The following ITGA9 variants were observed in gnomAD, a reference collection of about 807,000 sequenced individuals.
ITGA9 encodes the protein integrin subunit alpha 9.
A neutral mutation model predicts 127.8 loss-of-function variants in ITGA9; 56 were observed. That is an observed-to-expected ratio of 0.44 (90% CI 0.35 to 0.55). The LOEUF is 0.55. ITGA9 is among the 20% of genes least tolerant of loss of function. The probability of loss-of-function intolerance (pLI) is 0.00; values close to 1 mark genes in which losing one functional copy is unlikely to be tolerated. For missense variants in ITGA9, 1,196 were observed against 1,347.1 expected (o/e 0.89, Z 1.76); for synonymous variants, 508 against 514.5 (o/e 0.99, Z 0.17).
intron 6 of ITGA9, among the ~76,000 whole-genome samples, chr3:37,505,661 G>A (rs1269683004): frequency 6.6e-6 from 1 of 152,182 alleles, no homozygotes. Context: ...ACGCTCATGT[G>A]TGCATTCATT....
At chr3:37,561,522 G>A (rs984219474) in intron 15 of ITGA9, among the ~76,000 whole-genome samples, 1 of 152,186 alleles carries the variant, frequency 6.6e-6, no homozygotes, top group South Asian at 2.1e-4. Context: ...TATAAAGGTT[G>A]CTTTCACACT....
At chr3:37,656,041 C>T (rs934188360) in intron 17 of ITGA9, among the ~76,000 whole-genome samples, 1 of 152,074 alleles carries the variant, frequency 6.6e-6, no homozygotes, top group African/African-American at 2.4e-5. Flanking sequence ...TGTTCTGTTC[C>T]ATTGGTCTAT....
chr3:37,492,871 G>A (rs568324765), intron 4 of ITGA9, among the ~76,000 whole-genome samples: 5 of 152,246 alleles, frequency 3.3e-5, no homozygotes, highest in African/African-American at 4.8e-5. Context: ...CCTTTTTGCC[G>A]TTGTGCTATT....
intron 11 of ITGA9, 106 bp from the exon 12 acceptor site, chr3:37,523,410 TCAACA>T: frequency 1.2e-6 from 1 of 855,916 alleles, no homozygotes; most frequent in Admixed American, 1.9e-5. Context: ...TTTTTTTCTT[TCAACA>T]ACTTTAAGAC....
At chr3:37,795,963 C>T (rs1445995621) in intron 26 of ITGA9, among the ~76,000 whole-genome samples, 1 of 152,180 alleles carries the variant, frequency 6.6e-6, no homozygotes, top group Non-Finnish European at 1.5e-5. Context: ...TCAAAATCCT[C>T]CAGTGGCTTC....
At chr3:37,811,320 A>G (rs561850092) in intron 27 of ITGA9, among the ~76,000 whole-genome samples, 7 of 152,342 alleles carry the variant, frequency 4.6e-5, no homozygotes, top group African/African-American at 1.7e-4. Context: ...TGGGCCTGGC[A>G]TCTCTTCAAG....
At chr3:37,682,315 C>G (rs1369986767) in intron 17 of ITGA9, among the ~76,000 whole-genome samples, 1 of 152,262 alleles carries the variant, frequency 6.6e-6, no homozygotes, top group African/African-American at 2.4e-5. Context: ...CCAGTGACCT[C>G]CAGAAGGCTG....
Position 37,727,313 on chromosome 3 carries a change from C to T in ITGA9, c.2068-5399C>T, listed in dbSNP as rs373885269. ...AATTTTTAATTGAATCTTCTGTAAT[C>T]TTCAGCAAGAAACCCTGAGAATATT... is the stretch of plus-strand genomic sequence containing the variant. On this transcript the variant is annotated intron_variant, in intron 18 of 27. Transcript: ENST00000264741. Among the ~76,000 whole-genome samples, 16 of 152,316 alleles carry T rather than the reference C, an allele frequency of 1.1e-4. No individual in the cohort carries two copies. In the South Asian group the frequency reaches 3.3e-3, roughly 32 times the overall value.
chr3:37,748,204 C>T, intron 22 of ITGA9: 1 of 455,834 alleles, frequency 2.2e-6, no homozygotes. Flanking sequence ...CACGTGTATG[C>T]AAATCTATAA....
At chr3:37,626,466 C>T (rs183071006) in intron 15 of ITGA9, among the ~76,000 whole-genome samples, 1 of 152,098 alleles carries the variant, frequency 6.6e-6, no homozygotes, top group Admixed American at 6.6e-5. Context: ...TCAAGACCAC[C>T]TTGGGCAACA....
chr3:37,622,277 G>C (rs986734276), intron 15 of ITGA9, among the ~76,000 whole-genome samples: 1 of 151,702 alleles, frequency 6.6e-6, no homozygotes, highest in Admixed American at 6.6e-5. Context: ...TTTTAGTAGA[G>C]ACAGGGTTTC....
At chr3:37,542,194 A>C (rs1352763266) in intron 14 of ITGA9, among the ~76,000 whole-genome samples, 2 of 152,270 alleles carry the variant, frequency 1.3e-5, no homozygotes, top group African/African-American at 4.8e-5. Flanking sequence ...GAAGTATGAC[A>C]CAAGGAGAGT....
At chr3:37,615,337 G>A (rs1183064225) in intron 15 of ITGA9, among the ~76,000 whole-genome samples, 1 of 152,142 alleles carries the variant, frequency 6.6e-6, no homozygotes, top group African/African-American at 2.4e-5. Context: ...TGGTGGATAA[G>A]GCTTTTGATG....
At chr3:37,745,742 T>TAAAGAAAGAA (rs759815536) in intron 22 of ITGA9, 10,183 of 152,244 alleles carry the variant, frequency 0.067, 641 homozygotes, top group African/African-American at 0.15. Context: ...GTATGCAGCT[T>TAAAGAAAGAA]ATCCTTCCAG....
intron 5 of ITGA9, among the ~76,000 whole-genome samples, chr3:37,496,200 G>A (rs1406283897): frequency 2.0e-5 from 3 of 152,176 alleles, no homozygotes; most frequent in Non-Finnish European, 2.9e-5. Flanking sequence ...GAAAGAAAAG[G>A]CAGAAAGTCT....
chr3:37,462,521 T>A (rs1698326163), intron 1 of ITGA9, among the ~76,000 whole-genome samples: 1 of 152,186 alleles, frequency 6.6e-6, no homozygotes, highest in South Asian at 2.1e-4. Context: ...AAGTCACTTG[T>A]CCAAGGTTAC....
chr3:37,742,599 A>T (rs984116103), intron 21 of ITGA9, among the ~76,000 whole-genome samples: 1 of 152,230 alleles, frequency 6.6e-6, no homozygotes. Context: ...ATTAGTTTAG[A>T]TCAGGTGAGG....
At chr3:37,601,081 C>T (rs1699918470) in intron 15 of ITGA9, among the ~76,000 whole-genome samples, 1 of 152,138 alleles carries the variant, frequency 6.6e-6, no homozygotes, top group Non-Finnish European at 1.5e-5. Context: ...TCTTTGGGAT[C>T]CCTCTCTTCC....
At chr3:37,684,492 T>A (rs1420712819) in intron 18 of ITGA9, among the ~76,000 whole-genome samples, 2 of 152,230 alleles carry the variant, frequency 1.3e-5, no homozygotes, top group Admixed American at 6.5e-5. Flanking sequence ...TTATTTATTT[T>A]TTGAGACAAG....
Sources: allele counts gnomAD v4.1 joint callset (sites outside exome capture counted in the v4.1 genomes callset), GRCh38; gene constraint gnomAD v4.1.1; transcripts MANE v1.5; gene names NCBI Gene and HGNC (gene_info 2026-07-23, HGNC 2026-07-21).